DLC1: variants seen among roughly 807,000 people sequenced by gnomAD.
DLC1 encodes the protein DLC1 Rho GTPase activating protein.
A neutral mutation model predicts 140.3 loss-of-function variants in DLC1; 54 were observed. The observed-to-expected ratio is 0.38, with a 90% confidence interval of 0.31 to 0.48. DLC1 has a LOEUF of 0.48. Among genes scored for constraint, DLC1 ranks in the 20% least tolerant of loss-of-function variants. The pLI, the probability that DLC1 is intolerant of heterozygous loss-of-function variation, is 0.96. For synonymous variants in DLC1, 986 were observed against 728.1 expected (o/e 1.35, Z -5.70); for missense variants, 2,536 against 1,907.0 (o/e 1.33, Z -6.14).
chr8:13,174,421 G>T (rs1438533237), intron 5 of DLC1, among the ~76,000 whole-genome samples: 1 of 152,104 alleles, frequency 6.6e-6, no homozygotes, highest in Non-Finnish European at 1.5e-5. Context: ...TCTATTTTTA[G>T]TTCTTTGAGA....
At chr8:13,427,759 A>G (rs1838658643) in intron 2 of DLC1, among the ~76,000 whole-genome samples, 1 of 152,194 alleles carries the variant, frequency 6.6e-6, no homozygotes, top group Non-Finnish European at 1.5e-5. Flanking sequence ...GAGGTCCTTG[A>G]GATTAAAAAA....
At chr8:13,088,908 G>A (rs770682489) in intron 15 of DLC1, among the ~76,000 whole-genome samples, 1 of 152,132 alleles carries the variant, frequency 6.6e-6, no homozygotes, top group Non-Finnish European at 1.5e-5. Flanking sequence ...CTGTCCCCAA[G>A]CATATTTAAG....
intron 1 of DLC1, among the ~76,000 whole-genome samples, chr8:13,601,854 C>A (rs573248757): frequency 1.3e-5 from 2 of 151,872 alleles, no homozygotes; most frequent in East Asian, 1.9e-4. Flanking sequence ...GGCTATATAA[C>A]CCAGATGCAA....
At chr8:13,132,935 C>A in intron 5 of DLC1, 1 of 1,604,838 alleles carries the variant, frequency 6.2e-7, no homozygotes, top group Non-Finnish European at 8.5e-7. Flanking sequence ...AGACGCAAGT[C>A]TAGCTTACGT....
intron 2 of DLC1, among the ~76,000 whole-genome samples, chr8:13,424,052 A>G (rs1285275310): frequency 1.3e-5 from 2 of 152,250 alleles, no homozygotes; most frequent in African/African-American, 4.8e-5. Context: ...TCTTTATTCT[A>G]TTTAATGGAA....
intron 2 of DLC1, among the ~76,000 whole-genome samples, chr8:13,446,444 G>A (rs1291057473): frequency 6.6e-6 from 1 of 152,092 alleles, no homozygotes; most frequent in Non-Finnish European, 1.5e-5. Context: ...GACTGTTATT[G>A]CAGACATGGG....
At chr8:13,372,633 T>C (rs1466149559) in intron 4 of DLC1, among the ~76,000 whole-genome samples, 1 of 152,184 alleles carries the variant, frequency 6.6e-6, no homozygotes, top group African/African-American at 2.4e-5. Context: ...TGTCATATTC[T>C]AACTAAGCGC....
intron 2 of DLC1, among the ~76,000 whole-genome samples, chr8:13,497,782 A>C (rs773090220): frequency 6.6e-6 from 1 of 152,214 alleles, no homozygotes; most frequent in East Asian, 1.9e-4. Flanking sequence ...CAGTTTAATC[A>C]TAACAACTTT....
intron 4 of DLC1, among the ~76,000 whole-genome samples, chr8:13,359,201 T>A (rs1671428): frequency 6.6e-6 from 1 of 152,014 alleles, no homozygotes; most frequent in African/African-American, 2.4e-5. Context: ...GCCTCCCAAA[T>A]TGCTGGGATT....
intron 4 of DLC1, among the ~76,000 whole-genome samples, chr8:13,335,046 G>C (rs764131661): frequency 7.2e-5 from 11 of 152,172 alleles, no homozygotes; most frequent in Non-Finnish European, 1.6e-4. Context: ...AGGAGGGAGA[G>C]ACAAGTCTGG....
At chr8:13,129,961 G>C (rs1193451322) in intron 5 of DLC1, among the ~76,000 whole-genome samples, 1 of 152,168 alleles carries the variant, frequency 6.6e-6, no homozygotes, top group Non-Finnish European at 1.5e-5. Context: ...TGCTAGGAAG[G>C]AGAGTGAAGC....
chr8:13,284,254 C>T (rs941839487), intron 5 of DLC1, among the ~76,000 whole-genome samples: 9 of 152,152 alleles, frequency 5.9e-5, no homozygotes, highest in Admixed American at 2.0e-4. Context: ...CGGCCTGGCG[C>T]GGTGGCTCAT....
intron 4 of DLC1, among the ~76,000 whole-genome samples, chr8:13,356,631 A>G (rs887699476): frequency 3.3e-5 from 5 of 152,178 alleles, no homozygotes; most frequent in African/African-American, 9.7e-5. Flanking sequence ...GTGCTAATTT[A>G]CATTCTACAT....
At chr8:13,556,784 G>C (rs1804061611) in intron 1 of DLC1, among the ~76,000 whole-genome samples, 2 of 152,188 alleles carry the variant, frequency 1.3e-5, no homozygotes, top group African/African-American at 2.4e-5. Flanking sequence ...TTTCTAAAGT[G>C]GATGCTGTCA....
intron 4 of DLC1, among the ~76,000 whole-genome samples, chr8:13,329,527 T>C (rs2116937862): frequency 6.6e-6 from 1 of 152,274 alleles, no homozygotes; most frequent in East Asian, 1.9e-4. Flanking sequence ...CCATCACAAC[T>C]ACAGTTCAGG....
At chr8:13,327,649 C>T (rs1833424596) in intron 4 of DLC1, among the ~76,000 whole-genome samples, 1 of 152,026 alleles carries the variant, frequency 6.6e-6, no homozygotes, top group South Asian at 2.1e-4. Flanking sequence ...ATATCCACTG[C>T]ATAGTATCCA....
chr8:13,336,534 G>T (rs1321959471), intron 4 of DLC1, among the ~76,000 whole-genome samples: 1 of 152,162 alleles, frequency 6.6e-6, no homozygotes, highest in African/African-American at 2.4e-5. Flanking sequence ...AGCCATCATG[G>T]TTGAACAACT....
At chr8:13,528,710 G>A (rs189676234) in intron 1 of DLC1, among the ~76,000 whole-genome samples, 151 of 151,814 alleles carry the variant, frequency 9.9e-4, no homozygotes, top group Non-Finnish European at 1.1e-3. Flanking sequence ...TTTTTAATGA[G>A]TTAAAATAAT....
chr8:13,547,247 AATT>A (rs1803683393), intron 1 of DLC1, among the ~76,000 whole-genome samples: 1 of 152,072 alleles, frequency 6.6e-6, no homozygotes, highest in Non-Finnish European at 1.5e-5. Context: ...TATTTTTAGT[AATT>A]ATTACTGAAA....
Sources: allele counts gnomAD v4.1 joint callset (sites outside exome capture counted in the v4.1 genomes callset), GRCh38; gene constraint gnomAD v4.1.1; transcripts MANE v1.5; gene names NCBI Gene and HGNC (gene_info 2026-07-23, HGNC 2026-07-21).